ANKRD65: variants seen among roughly 807,000 people sequenced by gnomAD.
The protein encoded by ANKRD65 is ankyrin repeat domain-containing protein 65.
Under a neutral mutation model 17.2 loss-of-function variants are expected in ANKRD65, and 26 were observed. The ratio of observed to expected loss-of-function variants is 1.51; its 90% confidence interval spans 1.11 to 2.09. The LOEUF is 2.09. Ranked by LOEUF, ANKRD65 falls within the 30% of genes most tolerant of loss-of-function variation. The pLI is 0.00. For missense variants in ANKRD65, 621 were observed against 542.2 expected, an observed-to-expected ratio of 1.15 and a Z score of -1.44; for synonymous variants, 311 against 272.2, an observed-to-expected ratio of 1.14 and a Z score of -1.40.
In ANKRD65 at chr1:1,420,874, G is replaced by T. The variant is rs1645544909; in HGVS notation, c.132C>A (p.His44Gln). The change falls in exon 2 of 4, where the codon CAC (histidine) becomes CAA (glutamine). Residue 44 changes from histidine to glutamine, a missense_variant. His to Gln is a conservative substitution (Grantham distance 24). Transcript: ENST00000537107. ...EGPSVVQGWG[H>Q]LLQAVWRGPA... ...GGCCCCTCCACACGGCCTGGAGCAG[G>T]TGCCCCCAGCCCTGGACAACACTAG... 6.5e-7 allele frequency: 1 copy of T among 1,550,208 alleles called. No homozygotes were observed. The highest frequency in any genetic ancestry group is 8.7e-7 in the Non-Finnish European group (1 of 1,146,966).
chr1:1,420,209 G>A lies in ANKRD65; in HGVS notation c.593C>T (p.Ala198Val). 1.0e-6 allele frequency: 1 copy of A among 994,010 alleles called. No individual in the cohort carries two copies. Among genetic ancestry groups the A allele is most frequent in the Non-Finnish European group, 1.2e-6 (1 of 837,530 alleles). 61.6% of individuals were successfully genotyped at this position (994,010 alleles called of 1,614,324 possible). A position where few individuals can be genotyped will look rare whatever the true frequency, so the allele number is the denominator to read the frequency against. The change falls in exon 3 of 4, where the codon GCC becomes GTC. Residue 198 changes from alanine (A) to valine (V), a missense_variant. Transcript: ENST00000537107. ...GGCGCCGTCCAGGCCCGCGCCGCCG[G>A]CCGCCAGCAGCTCCAGCACCGCCAG... ...GRLAVLELLA[A>V]GGAGLDGALL...
Position 1,420,151 on chromosome 1 carries a change from C to G in ANKRD65, c.651G>C (p.Ala217=). The G allele has an allele frequency of 8.5e-7, 1 of 1,170,200 alleles. No individual in the cohort carries two copies. Among genetic ancestry groups the G allele is most frequent in the Non-Finnish European group, 1.1e-6 (1 of 950,108 alleles). 72.5% of individuals were successfully genotyped at this position (1,170,200 alleles called of 1,614,324 possible). Residue 217 remains alanine (A), a synonymous_variant, in exon 3 of 4, where the codon GCG becomes GCC. Coordinates refer to ENST00000537107, the MANE Select transcript of ANKRD65 (RefSeq NM_001145210.3). ...LLVAAAAGRG[A]ALRFLLARGA... The stretch of plus-strand genomic sequence containing the variant: ...CGCGCGCCAGGAGGAAGCGCAGCGC[C>G]GCCCCGCGCCCCGCAGCGGCAGCCA...
chr1:1,419,990 G>A (rs1645516253), intron 3 of ANKRD65, 62 bp downstream of exon 3: 8 of 1,219,602 alleles, frequency 6.6e-6, no homozygotes, highest in Middle Eastern at 3.0e-4. Flanking sequence ...CCGGTGGCAC[G>A]TCTCTGGGGA....
In ANKRD65 at chr1:1,419,263, C is replaced by T. The variant is rs1321381659; in HGVS notation, c.1037G>A (p.Gly346Glu). 2 of 1,550,398 alleles carry T rather than the reference C, an allele frequency of 1.3e-6. No individual in the cohort carries two copies. The highest frequency in any genetic ancestry group is 1.7e-6 in the Non-Finnish European group (2 of 1,146,878). The change falls in exon 4 of 4, where the codon GGG (glycine) becomes GAG (glutamate). Residue 346 changes from glycine (G) to glutamate (E), a missense_variant. Coordinates refer to ENST00000537107, the MANE Select transcript of ANKRD65 (RefSeq NM_001145210.3). ...CAGAAGCCCCACGGTAGGCCCATGCCCTCGCTCTGCAGCCAGGTGTAGGGG... is the reference window on the plus strand; with the variant it reads ...CAGAAGCCCCACGGTAGGCCCATGCTCTCGCTCTGCAGCCAGGTGTAGGGG... ...KTPLHLAAER[G>E]HGPTVGLLLS... is the part of the protein sequence containing the mutation.
Position 1,420,308 on chromosome 1 carries a change from G to T in ANKRD65, c.494C>A (p.Pro165Gln). 1 of 1,075,374 alleles carries T rather than the reference G, an allele frequency of 9.3e-7. No individual in the cohort carries two copies. The highest frequency in any genetic ancestry group is 5.4e-5 in the Admixed American group (1 of 18,628). The allele number at this position is 1,075,374 out of a possible 1,614,324, so 66.6% of individuals were successfully genotyped here. ...CTCCGCCTCCGCTGCCGCGGGTCCCGGGCCCGGAGCCTCCAGCAGGCGCGC... is the reference window on the plus strand; with the variant it reads ...CTCCGCCTCCGCTGCCGCGGGTCCCTGGCCCGGAGCCTCCAGCAGGCGCGC... ...LAARLLEAPG[P>Q]GPAAAEAEDA... Residue 165 changes from proline to glutamine, a missense_variant, in exon 3 of 4, where the codon CCG becomes CAG. Physicochemically the swap from Pro to Gln is moderately conservative, Grantham distance 76. Transcript: ENST00000537107.
In ANKRD65 at chr1:1,419,292, C is replaced by G. The variant is rs1326718445; in HGVS notation, c.1008G>C (p.Lys336Asn). ...AQVDATGWLR[K>N]TPLHLAAERG... ...GCTCTGCAGCCAGGTGTAGGGGGGTCTTTCGGAGCCAGCCGGTAGCATCCA... is the reference window on the plus strand; with the variant it reads ...GCTCTGCAGCCAGGTGTAGGGGGGTGTTTCGGAGCCAGCCGGTAGCATCCA... The change falls in exon 4 of 4, where the codon AAG (lysine) becomes AAC (asparagine). Residue 336 changes from lysine to asparagine, a missense_variant. Physicochemically the swap from Lys to Asn is moderately conservative, Grantham distance 94 (BLOSUM62 0). Transcript: ENST00000537107. The G allele has an allele frequency of 6.4e-7, 1 of 1,550,394 alleles. No individual in the cohort carries two copies. Among genetic ancestry groups the G allele is most frequent in the Non-Finnish European group, 8.7e-7 (1 of 1,146,870 alleles).
Position 1,420,258 on chromosome 1 carries a change from G to A in ANKRD65, c.544C>T (p.His182Tyr). The change falls in exon 3 of 4, where the codon CAC (histidine) becomes TAC (tyrosine). Residue 182 changes from histidine to tyrosine, a missense_variant. By Grantham distance (83) the His-to-Tyr change is moderately conservative (BLOSUM62 2). Transcript: ENST00000537107. ...AEDARGWTAA[H>Y]WAAAGGRLAV... is the part of the protein sequence containing the mutation. ...AGCCGCCCGCCCGCGGCCGCCCAGTGCGCCGCCGTCCAGCCGCGCGCGTCC... is the reference window on the plus strand; with the variant it reads ...AGCCGCCCGCCCGCGGCCGCCCAGTACGCCGCCGTCCAGCCGCGCGCGTCC... The A allele has an allele frequency of 1.0e-6, 1 of 998,792 alleles. No individual in the cohort carries two copies. The highest frequency in any genetic ancestry group is 1.2e-6 in the Non-Finnish European group (1 of 841,084). 61.9% of individuals were successfully genotyped at this position (998,792 alleles called of 1,614,324 possible).
rs182847401 is a variant in ANKRD65 at position 1,421,009 on chromosome 1, G to T, written c.1-4C>A. 4.5e-5 allele frequency: 69 copies of T among 1,550,068 alleles called. No homozygotes were observed. Among genetic ancestry groups the T allele is most frequent in the East Asian group, 2.7e-4 (11 of 40,928 alleles). On this transcript the variant is annotated splice_polypyrimidine_tract_variant and splice_region_variant and intron_variant, in intron 1 of 3. Coordinates refer to ENST00000537107, the MANE Select transcript of ANKRD65 (RefSeq NM_001145210.3). ...GCTCAGGCCTCTGGGAGTCCATCTGGGGGGGAGCAGGGATCCTACATCCAC... is the reference window on the plus strand; with the variant it reads ...GCTCAGGCCTCTGGGAGTCCATCTGTGGGGGAGCAGGGATCCTACATCCAC...
At position 1,419,394 on chromosome 1, in the gene ANKRD65, G is replaced by A. The variant is rs1645502650; in HGVS notation, c.906C>T (p.Gly302=). 2.6e-6 allele frequency: 4 copies of A among 1,549,872 alleles called. No homozygotes were observed. Among genetic ancestry groups the A allele is most frequent in the Middle Eastern group, 1.7e-4 (1 of 6,014 alleles). Residue 302 remains glycine, a synonymous_variant, in exon 4 of 4, where the codon GGC becomes GGT. Coordinates refer to ENST00000537107, the MANE Select transcript of ANKRD65 (RefSeq NM_001145210.3). The part of the protein sequence containing the change: ...GAEVDARDTL[G]LTPLHHASRE... ...GAGAGGCGTGATGCAGGGGTGTGAG[G>A]CCCAGGGTGTCCCGCGCATCCACCT...
chr1:1,421,058 C>T (rs1264382712), intron 1 of ANKRD65, 53 bp from the exon 2 acceptor site: 1 of 1,520,200 alleles, frequency 6.6e-7, no homozygotes, highest in Non-Finnish European at 8.9e-7. Context: ...GGCCTGCCCC[C>T]AGCCGTGTCC....
At position 1,418,975 on chromosome 1, in the gene ANKRD65, A is replaced by T. The variant is rs1645491321; in HGVS notation, c.*125T>A. 1.7e-6 allele frequency: 2 copies of T among 1,151,468 alleles called. No homozygotes were observed. Among genetic ancestry groups the T allele is most frequent in the Admixed American group, 5.8e-5 (2 of 34,238 alleles). 71.3% of individuals were successfully genotyped at this position (1,151,468 alleles called of 1,614,324 possible). ...GGCCTGTGACTGCAGCTCAAGCCAC[A>T]TCCCCTACTTTCTCCCATCCCCTCC... On this transcript the variant is annotated 3_prime_UTR_variant, in exon 4 of 4. Coordinates refer to ENST00000537107, the MANE Select transcript of ANKRD65 (RefSeq NM_001145210.3).
chr1:1,420,308 G>A lies in ANKRD65; in HGVS notation c.494C>T (p.Pro165Leu), dbSNP rs1015736534. Residue 165 changes from proline (P) to leucine (L), a missense_variant, in exon 3 of 4, where the codon CCG becomes CTG. Transcript: ENST00000537107. ...LAARLLEAPGPGPAAAEAEDA... is the reference protein window; with the variant it reads ...LAARLLEAPGLGPAAAEAEDA... Reference sequence around the variant, plus strand: ...CTCCGCCTCCGCTGCCGCGGGTCCCGGGCCCGGAGCCTCCAGCAGGCGCGC... The same window carrying A: ...CTCCGCCTCCGCTGCCGCGGGTCCCAGGCCCGGAGCCTCCAGCAGGCGCGC... 18 of 1,075,270 alleles carry A rather than the reference G, an allele frequency of 1.7e-5. No individual in the cohort carries two copies. Among genetic ancestry groups the A allele is most frequent in the Non-Finnish European group, 2.0e-5 (18 of 891,092 alleles). 66.6% of individuals were successfully genotyped at this position (1,075,270 alleles called of 1,614,324 possible).
chr1:1,421,010 G>C lies in ANKRD65; in HGVS notation c.1-5C>G, dbSNP rs567951281. 1.3e-4 allele frequency: 202 copies of C among 1,550,236 alleles called. No individual in the cohort carries two copies. In the East Asian group the frequency reaches 1.4e-3, roughly 11 times the overall value. ...CTCAGGCCTCTGGGAGTCCATCTGG[G>C]GGGGAGCAGGGATCCTACATCCACT... On this transcript the variant is annotated splice_polypyrimidine_tract_variant and splice_region_variant and intron_variant, in intron 1 of 3. Coordinates refer to ENST00000537107, the MANE Select transcript of ANKRD65 (RefSeq NM_001145210.3).
rs961150138 is a variant in ANKRD65, at chr1:1,419,981, C to T, written c.750+71G>A. 6.6e-6 allele frequency: 8 copies of T among 1,203,970 alleles called. No individual in the cohort carries two copies. In the South Asian group the frequency reaches 2.5e-4, roughly 38 times the overall value. The allele number at this position is 1,203,970 out of a possible 1,614,324, so 74.6% of individuals were successfully genotyped here. On this transcript the variant is annotated intron_variant, in intron 3 of 3. Coordinates refer to ENST00000537107, the MANE Select transcript of ANKRD65 (RefSeq NM_001145210.3). ...TCCCCCAGCCTGGCTCCAGCTGCCCCGGTGGCACGTCTCTGGGGATCCTGG... is the reference window on the plus strand; with the variant it reads ...TCCCCCAGCCTGGCTCCAGCTGCCCTGGTGGCACGTCTCTGGGGATCCTGG...
At position 1,418,936 on chromosome 1, in the gene ANKRD65, C is replaced by T; in HGVS notation, c.*164G>A. The T allele has an allele frequency of 1.3e-6, 1 of 796,682 alleles. No individual in the cohort carries two copies. Among genetic ancestry groups the T allele is most frequent in the Non-Finnish European group, 1.9e-6 (1 of 521,786 alleles). The allele number at this position is 796,682 out of a possible 1,614,324, so 49.4% of individuals were successfully genotyped here. A position where few individuals can be genotyped will look rare whatever the true frequency, so the allele number is the denominator to read the frequency against. On this transcript the variant is annotated 3_prime_UTR_variant, in exon 4 of 4. Transcript: ENST00000537107. ...GCCCTCCTGGGAGCTGGGGGCCATC[C>T]CTGGTCCAGCCAAGGCCTGTGACTG...
chr1:1,420,096 C>A lies in ANKRD65; in HGVS notation c.706G>T (p.Gly236Trp). The A allele has an allele frequency of 7.8e-7, 1 of 1,279,838 alleles. No individual in the cohort carries two copies. The highest frequency in any genetic ancestry group is 4.0e-5 in the Admixed American group (1 of 24,926). 79.3% of individuals were successfully genotyped at this position (1,279,838 alleles called of 1,614,324 possible). ...GARVDARDGA[G>W]ATALGLAAAL... ...GCCGCCAGACCCAGCGCTGTGGCCCCCGCGCCATCCCGGGCGTCCACCCGC... is the reference window on the plus strand; with the variant it reads ...GCCGCCAGACCCAGCGCTGTGGCCCACGCGCCATCCCGGGCGTCCACCCGC... The change falls in exon 3 of 4, where the codon GGG (glycine) becomes TGG (tryptophan). Residue 236 changes from glycine (G) to tryptophan (W), a missense_variant. Gly to Trp is a radical substitution (Grantham distance 184). Transcript: ENST00000537107.
At position 1,420,954 on chromosome 1, in the gene ANKRD65, G is replaced by A; in HGVS notation, c.52C>T (p.Leu18=). The change falls in exon 2 of 4, where the codon CTG becomes TTG. Residue 18 remains leucine (L), a synonymous_variant. Coordinates refer to ENST00000537107, the MANE Select transcript of ANKRD65 (RefSeq NM_001145210.3). The part of the protein sequence containing the change: ...PREEEEEEQE[L]RWMELDSEEA... ...TCGGAGTCCAGCTCCATCCACCGCAGTTCCTGTTCCTCCTCCTCCTCCTCT... is the reference window on the plus strand; with the variant it reads ...TCGGAGTCCAGCTCCATCCACCGCAATTCCTGTTCCTCCTCCTCCTCCTCT... The A allele has an allele frequency of 2.6e-6, 4 of 1,550,786 alleles. No homozygotes were observed. Among genetic ancestry groups the A allele is most frequent in the Non-Finnish European group, 3.5e-6 (4 of 1,146,976 alleles).
At position 1,421,000 on chromosome 1, in the gene ANKRD65, G is replaced by T. The variant is rs1645548105; in HGVS notation, c.6C>A (p.Asp2Glu). Residue 2 changes from aspartate (D) to glutamate (E), a missense_variant, in exon 2 of 4, where the codon GAC becomes GAA. Physicochemically the swap from Asp to Glu is conservative, Grantham distance 45. Coordinates refer to ENST00000537107, the MANE Select transcript of ANKRD65 (RefSeq NM_001145210.3). M[D>E]SQRPEPREEE... ...CCTCTCTGGGCTCAGGCCTCTGGGA[G>T]TCCATCTGGGGGGGAGCAGGGATCC... 6.5e-7 allele frequency: 1 copy of T among 1,550,362 alleles called. No homozygotes were observed.
At position 1,420,506 on chromosome 1, in the gene ANKRD65, G is replaced by A; in HGVS notation, c.296C>T (p.Pro99Leu). ...CCCCGCCCGGTCCACCGCGCCCACC[G>A]GGGCCCCTCGCTGCAGCAGGAGACG... ...LVRLLLQRGA[P>L]VGAVDRAGRT... Residue 99 changes from proline to leucine, a missense_variant, in exon 3 of 4, where the codon CCG becomes CTG. Coordinates refer to ENST00000537107, the MANE Select transcript of ANKRD65 (RefSeq NM_001145210.3). 7.9e-7 allele frequency: 1 copy of A among 1,273,784 alleles called. No homozygotes were observed. The highest frequency in any genetic ancestry group is 3.0e-5 in the South Asian group (1 of 33,264). 78.9% of individuals were successfully genotyped at this position (1,273,784 alleles called of 1,614,324 possible).
Sources: allele counts gnomAD v4.1 joint callset, GRCh38; gene constraint gnomAD v4.1.1; transcripts MANE v1.5; gene names NCBI Gene and HGNC (gene_info 2026-07-23, HGNC 2026-07-21).